COG6: variants seen among roughly 807,000 people sequenced by gnomAD.
The protein encoded by COG6 is component of oligomeric golgi complex 6, also known as conserved oligomeric Golgi complex subunit 6.
A neutral mutation model predicts 88.8 loss-of-function variants in COG6; 74 were observed. That is an observed-to-expected ratio of 0.83 (90% CI 0.69 to 1.01). COG6 has a LOEUF of 1.01. Ranked by LOEUF, COG6 falls within the 50% of genes least tolerant of loss-of-function variation. The probability of loss-of-function intolerance (pLI) is 0.00; values close to 1 mark genes in which losing one functional copy is unlikely to be tolerated. For synonymous variants in COG6, 286 were observed against 278.7 expected (o/e 1.03, Z -0.26); for missense variants, 800 against 797.9 (o/e 1.00, Z -0.03).
chr13:39,744,106 A>T (rs556321445), intron 18 of COG6, among the ~76,000 whole-genome samples: 2 of 152,302 alleles, frequency 1.3e-5, no homozygotes, highest in Admixed American at 1.3e-4. Flanking sequence ...ATGTGTCTTA[A>T]AATAATAAGA....
intron 4 of COG6, among the ~76,000 whole-genome samples, chr13:39,675,183 C>T (rs960038459): frequency 6.6e-6 from 1 of 152,198 alleles, no homozygotes; most frequent in East Asian, 1.9e-4. Flanking sequence ...ATATTTATCT[C>T]CTATACTTTT....
At chr13:39,693,979 A>T (rs1877120460) in intron 11 of COG6, among the ~76,000 whole-genome samples, 1 of 151,930 alleles carries the variant, frequency 6.6e-6, no homozygotes, top group South Asian at 2.1e-4. Flanking sequence ...GTAAGCATTT[A>T]TCAGTGTAGT....
intron 18 of COG6, among the ~76,000 whole-genome samples, chr13:39,727,843 A>G (rs1879220682): frequency 6.6e-6 from 1 of 152,172 alleles, no homozygotes; most frequent in African/African-American, 2.4e-5. Context: ...GTTAACAAAC[A>G]TGTCAGAATA....
At chr13:39,720,439 T>C (rs1333817899) in intron 15 of COG6, among the ~76,000 whole-genome samples, 1 of 152,066 alleles carries the variant, frequency 6.6e-6, no homozygotes, top group Non-Finnish European at 1.5e-5. Context: ...TACTGTTTTT[T>C]AAAAAAACAA....
intron 18 of COG6, among the ~76,000 whole-genome samples, chr13:39,746,246 AG>A (rs1243148203): frequency 6.6e-6 from 1 of 151,710 alleles, no homozygotes; most frequent in Non-Finnish European, 1.5e-5. Context: ...AAAAAAAAAA[AG>A]TTACTTCCCC....
chr13:39,698,075 A>G (rs1877374054), intron 12 of COG6, among the ~76,000 whole-genome samples: 1 of 152,028 alleles, frequency 6.6e-6, no homozygotes, highest in African/African-American at 2.4e-5. Context: ...CAGAAGAAAC[A>G]TCTACAATTA....
At chr13:39,727,324 A>G (rs1372117107) in intron 17 of COG6, 145 bp from the exon 18 acceptor site, 7 of 686,974 alleles carry the variant, frequency 1.0e-5, no homozygotes, top group Admixed American at 4.6e-5. Context: ...ATGTTTAGAA[A>G]ATACACAATT....
chr13:39,714,115 A>AG (rs1878392544), intron 13 of COG6, among the ~76,000 whole-genome samples: 1 of 152,192 alleles, frequency 6.6e-6, no homozygotes, highest in Admixed American at 6.5e-5. Flanking sequence ...CCTTATTTCA[A>AG]GGGGGAAAAA....
chr13:39,682,060 GA>G (rs1488598576), intron 7 of COG6, 110 bp from the exon 8 acceptor site: 1 of 753,936 alleles, frequency 1.3e-6, no homozygotes, highest in Non-Finnish European at 2.3e-6. Flanking sequence ...TTTTTCTGAG[GA>G]TTTTTTTTTA....
chr13:39,666,444 G>A (rs1875274161), intron 4 of COG6, among the ~76,000 whole-genome samples: 1 of 152,058 alleles, frequency 6.6e-6, no homozygotes, highest in South Asian at 2.1e-4. Context: ...ATATTATTTT[G>A]TGAAGCCTTT....
Position 39,752,003 on chromosome 13 carries a change from G to A in COG6, c.*910G>A, listed in dbSNP as rs1880662830. On this transcript the variant is annotated 3_prime_UTR_variant, in exon 19 of 19. Coordinates refer to ENST00000455146, the MANE Select transcript of COG6 (RefSeq NM_020751.3). Reference sequence around the variant, plus strand: ...AACATTGGAGAAAAAAACTGCCAGAGGAGGAGTTGCCAATTGGCAGTGTGT... The same window carrying A: ...AACATTGGAGAAAAAAACTGCCAGAAGAGGAGTTGCCAATTGGCAGTGTGT... 8.0e-7 allele frequency: 1 copy of A among 1,251,646 alleles called. No individual in the cohort carries two copies. The highest frequency in any genetic ancestry group is 1.2e-5 in the South Asian group (1 of 80,208). 77.5% of individuals were successfully genotyped at this position (1,251,646 alleles called of 1,614,324 possible). A position where few individuals can be genotyped will look rare whatever the true frequency, so the allele number is the denominator to read the frequency against.
intron 18 of COG6, among the ~76,000 whole-genome samples, chr13:39,740,837 C>G (rs796380684): frequency 6.6e-6 from 1 of 152,064 alleles, no homozygotes; most frequent in African/African-American, 2.4e-5. Context: ...AGGATATTAT[C>G]GTCTTTTCTT....
rs968046470 is a variant in COG6, at chr13:39,735,390, A to G, written c.1826+7842A>G. ...ACAAGCCAAGAGAAAACTAATAAAA[A>G]CTCTTTACCCTTTAACTTCATTGCC... is the stretch of plus-strand genomic sequence containing the variant. On this transcript the variant is annotated intron_variant, in intron 18 of 18. Coordinates refer to ENST00000455146, the MANE Select transcript of COG6 (RefSeq NM_020751.3). 2.8e-5 allele frequency among the ~76,000 whole-genome samples: 4 copies of G among 144,230 alleles called. No individual in the cohort carries two copies. The Admixed American group carries it at 2.9e-4, about 10-fold the overall frequency. The allele number at this position is 144,230 out of a possible 152,430, so 94.6% of individuals were successfully genotyped here. A position where few individuals can be genotyped will look rare whatever the true frequency, so the allele number is the denominator to read the frequency against.
chr13:39,705,586 C>T (rs1877847775), intron 13 of COG6, among the ~76,000 whole-genome samples: 1 of 152,058 alleles, frequency 6.6e-6, no homozygotes, highest in South Asian at 2.1e-4. Flanking sequence ...AAGGATATAG[C>T]CTGTCTTAAA....
intron 5 of COG6, among the ~76,000 whole-genome samples, chr13:39,679,125 C>T (rs1053485960): frequency 1.3e-5 from 2 of 152,020 alleles, no homozygotes; most frequent in Admixed American, 6.6e-5. Context: ...AATGAGTATA[C>T]AACAGATACA....
intron 17 of COG6, 38 bp from the exon 18 acceptor site, chr13:39,727,431 T>TA: frequency 1.4e-6 from 2 of 1,444,456 alleles, no homozygotes; most frequent in Non-Finnish European, 9.7e-7. Context: ...TTAGCACATA[T>TA]ATGTACTTTA....
At chr13:39,729,317 G>A (rs954739184) in intron 18 of COG6, among the ~76,000 whole-genome samples, 6 of 152,114 alleles carry the variant, frequency 3.9e-5, no homozygotes, top group East Asian at 1.9e-4. Context: ...TCTTGTCCAC[G>A]GAAAAATTGT....
chr13:39,719,604 C>T lies in COG6; in HGVS notation c.1417-56C>T, dbSNP rs1878736950. The T allele has an allele frequency of 3.6e-5, 54 of 1,509,228 alleles. No homozygotes were observed. The South Asian group carries it at 5.9e-4, about 16-fold the overall frequency. The allele number at this position is 1,509,228 out of a possible 1,614,324, so 93.5% of individuals were successfully genotyped here. ...TAGTTTGGCATTAAATATCATTAAC[C>T]CAAGACCCTATCAGTGATTGAGAAA... is the stretch of plus-strand genomic sequence containing the variant. On this transcript the variant is annotated intron_variant, in intron 14 of 18. Transcript: ENST00000455146.
intron 8 of COG6, among the ~76,000 whole-genome samples, chr13:39,684,752 A>G (rs1876540437): frequency 6.6e-6 from 1 of 152,210 alleles, no homozygotes; most frequent in South Asian, 2.1e-4. Context: ...TATGAACTTA[A>G]TAAGTAATGT....
Sources: gnomAD v4.1 joint callset for allele counts (sites outside exome capture counted in the v4.1 genomes callset) on GRCh38, gnomAD v4.1.1 for gene constraint, MANE v1.5 for transcripts, NCBI Gene and HGNC (gene_info 2026-07-23, HGNC 2026-07-21) for gene names.